Variants in WASHC5 observed in about 807,000 individuals in gnomAD.
WASHC5 encodes WASH complex subunit strumpellin.
In WASHC5, 101 loss-of-function variants were observed where a neutral mutation model predicts 150.4. The ratio of observed to expected loss-of-function variants is 0.67; its 90% CI spans 0.57 to 0.79. The LOEUF (loss-of-function observed/expected upper bound fraction) is 0.79, where lower values mean the gene tolerates loss of function less well. WASHC5 is among the 30% of genes least tolerant of loss of function. The pLI is 0.00. For synonymous variants in WASHC5, 467 were observed against 491.2 expected, an observed-to-expected ratio of 0.95 and a Z score of 0.65; for missense variants, 1,195 against 1,396.3, an observed-to-expected ratio of 0.86 and a Z score of 2.30.
chr8:125,067,078 G>A (rs367627618), intron 10 of WASHC5, among the ~76,000 whole-genome samples: 1 of 152,250 alleles, frequency 6.6e-6, no homozygotes, highest in African/African-American at 2.4e-5. Context: ...GCAGTGGTGC[G>A]ATCTTGGCCC....
rs1175799969 is a variant in WASHC5 at position 125,075,067 on chromosome 8, A to G, written c.909T>C (p.Ala303=). The change falls in exon 8 of 29, where the codon GCT becomes GCC. Residue 303 remains alanine (A), a synonymous_variant. Transcript: ENST00000318410. ...YMGITVNLVD[A]WEPYKAAKTA... is the part of the protein sequence containing the mutation. ...TTTTTGCAGCTTTGTAAGGTTCCCA[A>G]GCATCTACTAGATTAACTGTGATCC... 6.2e-7 allele frequency: 1 copy of G among 1,612,358 alleles called. No homozygotes were observed. Among genetic ancestry groups the G allele is most frequent in the Admixed American group, 1.7e-5 (1 of 60,016 alleles).
rs151157359 is a variant in WASHC5 at position 125,070,249 on chromosome 8, T to G, written c.1151-2530A>C. 1.3e-3 allele frequency among the ~76,000 whole-genome samples: 195 copies of G among 152,366 alleles called. 2 individuals are homozygous for G. The highest frequency in any genetic ancestry group is 6.0e-3 in the Admixed American group (92 of 15,306). ...ACTAGGCCTGCTTTTCTGAACACCA[T>G]GACTGAAATTCCACAAAAGTTAACT... On this transcript the variant is annotated intron_variant, in intron 9 of 28. Coordinates refer to ENST00000318410, the MANE Select transcript of WASHC5 (RefSeq NM_014846.4).
rs754807339 is a variant in WASHC5 at position 125,044,693 on chromosome 8, G to A, written c.2510C>T (p.Thr837Ile). The change falls in exon 21 of 29, where the codon ACA (threonine) becomes ATA (isoleucine). Residue 837 changes from threonine (T) to isoleucine (I), a missense_variant. Coordinates refer to ENST00000318410, the MANE Select transcript of WASHC5 (RefSeq NM_014846.4). ...EILRITDPKMTCHIDQLNTWY... is the reference protein window; with the variant it reads ...EILRITDPKMICHIDQLNTWY... ...AGTGTTCAGCTGGTCTATGTGACAT[G>A]TCATTCTAAAATGAAAACAATGCAA... 1 of 1,613,946 alleles carries A rather than the reference G, an allele frequency of 6.2e-7. No homozygotes were observed. The highest frequency in any genetic ancestry group is 8.5e-7 in the Non-Finnish European group (1 of 1,179,866).
chr8:125,059,528 G>A lies in WASHC5; in HGVS notation c.1536C>T (p.His512=), dbSNP rs755715334. ...IQALEEVQEF[H]QLESNLQVCQ... ...ATACTTGCAGATTGGATTCCAACTG[G>A]TGGAATTCTTGAACCTGTGTTACAG... The change falls in exon 13 of 29, where the codon CAC becomes CAT. Residue 512 remains histidine, a synonymous_variant. Coordinates refer to ENST00000318410, the MANE Select transcript of WASHC5 (RefSeq NM_014846.4). 2 of 1,612,880 alleles carry A rather than the reference G, an allele frequency of 1.2e-6. No homozygotes were observed. The highest frequency in any genetic ancestry group is 1.1e-5 in the South Asian group (1 of 91,052).
intron 3 of WASHC5, 139 bp downstream of exon 3, chr8:125,082,974 T>C: frequency 1.7e-6 from 1 of 597,464 alleles, no homozygotes; most frequent in South Asian, 2.2e-5. Flanking sequence ...GTGCCACAGG[T>C]AGGAAAAGAC....
At position 125,028,606 on chromosome 8, in the gene WASHC5, T is replaced by C; in HGVS notation, c.3423+14A>G. On this transcript the variant is annotated intron_variant, in intron 28 of 28. Coordinates refer to ENST00000318410, the MANE Select transcript of WASHC5 (RefSeq NM_014846.4). ...TACAACTATTAATATTGTTCTTTAC[T>C]ATCTATCACTTACCCTCCTGGGTAG... The C allele has an allele frequency of 6.4e-7, 1 of 1,560,160 alleles. No individual in the cohort carries two copies. The highest frequency in any genetic ancestry group is 2.2e-5 in the East Asian group (1 of 44,632).
At chr8:125,036,558 A>G (rs1229828334) in intron 26 of WASHC5, among the ~76,000 whole-genome samples, 2 of 146,828 alleles carry the variant, frequency 1.4e-5, no homozygotes, top group African/African-American at 5.5e-5. Flanking sequence ...CTATAGTCCC[A>G]GCTACTCAGG....
chr8:125,079,449 C>T (rs10111425), intron 5 of WASHC5, among the ~76,000 whole-genome samples: 28,442 of 151,746 alleles, frequency 0.19, 3,136 homozygotes, highest in Middle Eastern at 0.34. Context: ...CCTTGTCCTC[C>T]CAAAGTGCTG....
intron 15 of WASHC5, 114 bp downstream of exon 15, chr8:125,057,442 A>G (rs1816442438): frequency 2.0e-5 from 15 of 765,934 alleles, no homozygotes; most frequent in Non-Finnish European, 3.4e-5. Flanking sequence ...CTGGAATCAA[A>G]TTTTTAAAAG....
rs761914653 is a variant in WASHC5, at chr8:125,073,299, T to G, written c.1004A>C (p.Glu335Ala). The G allele has an allele frequency of 1.1e-5, 18 of 1,613,894 alleles. No individual in the cohort carries two copies. Among genetic ancestry groups the G allele is most frequent in the Non-Finnish European group, 1.5e-5 (18 of 1,179,888 alleles). The part of the protein sequence containing the change: ...EQASRYATVS[E>A]RVHAQVQQFL... ...TTGCTGCACTTGAGCATGCACTCTT[T>G]CACTGACAGTAGCATATCTGCTTGC... Residue 335 changes from glutamate (E) to alanine (A), a missense_variant, in exon 9 of 29, where the codon GAA becomes GCA. By Grantham distance (107) the Glu-to-Ala change is moderately radical. This residue lies in a region of WASHC5 where 997 missense variants were observed against 1,168.1 expected (regional missense o/e 0.85). Coordinates refer to ENST00000318410, the MANE Select transcript of WASHC5 (RefSeq NM_014846.4).
At chr8:125,044,484 T>C (rs1216750578) in intron 21 of WASHC5, 52 bp downstream of exon 21, 1 of 1,599,744 alleles carries the variant, frequency 6.3e-7, no homozygotes, top group African/African-American at 1.3e-5. Flanking sequence ...AAATATGTTC[T>C]TGCCTCTCCC....
chr8:125,061,100 C>A lies in WASHC5; in HGVS notation c.1503G>T (p.Leu501=), dbSNP rs189993679. Reference sequence around the variant, plus strand: ...TCCTTACCTCTTCCAAAGCTTGTATCAGTTGTACAGTTTTTCTGCCCGCAG... The same window carrying A: ...TCCTTACCTCTTCCAAAGCTTGTATAAGTTGTACAGTTTTTCTGCCCGCAG... ...STAAGRKTVQ[L]IQALEEVQEF... is the part of the protein sequence containing the mutation. The change falls in exon 12 of 29, where the codon CTG becomes CTT. Residue 501 remains leucine (L), a synonymous_variant. Transcript: ENST00000318410. 9.3e-6 allele frequency: 15 copies of A among 1,604,984 alleles called. No homozygotes were observed. Among genetic ancestry groups the A allele is most frequent in the Non-Finnish European group, 1.3e-5 (15 of 1,171,844 alleles).
intron 9 of WASHC5, among the ~76,000 whole-genome samples, chr8:125,071,039 A>G (rs1816883062): frequency 6.6e-6 from 1 of 152,246 alleles, no homozygotes; most frequent in Non-Finnish European, 1.5e-5. Flanking sequence ...TTGTGTGCAC[A>G]GTTTTTTAAA....
chr8:125,041,572 T>C lies in WASHC5; in HGVS notation c.2851-1674A>G, dbSNP rs562100934. ...ATGAGAAACACTTGAACCCAGGAGG[T>C]AGAGGTTGCAGTGAGCCAAGATTGT... On this transcript the variant is annotated intron_variant, in intron 23 of 28. Coordinates refer to ENST00000318410, the MANE Select transcript of WASHC5 (RefSeq NM_014846.4). Among the ~76,000 whole-genome samples, 48 of 151,706 alleles carry C rather than the reference T, an allele frequency of 3.2e-4. No homozygotes were observed. The East Asian group carries it at 8.0e-3, about 25-fold the overall frequency.
intron 9 of WASHC5, among the ~76,000 whole-genome samples, chr8:125,071,266 CTG>C (rs927108895): frequency 6.6e-6 from 1 of 152,182 alleles, no homozygotes; most frequent in African/African-American, 2.4e-5. Flanking sequence ...GAATAAGAAA[CTG>C]TGCCAGCCCT....
rs1586364504 is a variant in WASHC5, at chr8:125,061,074, T to C, written c.1521+8A>G. On this transcript the variant is annotated splice_region_variant and intron_variant, in intron 12 of 28. Transcript: ENST00000318410. ...CCAAGAACCTGCATTTAAAAAGCGTTTCCTTACCTCTTCCAAAGCTTGTAT... is the reference window on the plus strand; with the variant it reads ...CCAAGAACCTGCATTTAAAAAGCGTCTCCTTACCTCTTCCAAAGCTTGTAT... 1.3e-6 allele frequency: 2 copies of C among 1,542,576 alleles called. No individual in the cohort carries two copies. The highest frequency in any genetic ancestry group is 4.5e-5 in the East Asian group (2 of 44,486).
chr8:125,040,209 T>C (rs1020914732), intron 23 of WASHC5, among the ~76,000 whole-genome samples: 15 of 152,198 alleles, frequency 9.9e-5, no homozygotes, highest in Non-Finnish European at 1.9e-4. Context: ...TTTGAAGCTA[T>C]ATTTTTAACC....
intron 24 of WASHC5, 106 bp from the exon 25 acceptor site, chr8:125,039,065 C>G: frequency 8.0e-7 from 1 of 1,247,004 alleles, no homozygotes; most frequent in Non-Finnish European, 1.2e-6. Flanking sequence ...GTTTCCTCAT[C>G]TGTAAAATGA....
At chr8:125,050,812 G>A in intron 17 of WASHC5, 147 bp from the exon 18 acceptor site, 1 of 681,152 alleles carries the variant, frequency 1.5e-6, no homozygotes, top group African/African-American at 1.8e-5. Context: ...TCCTGTCCCT[G>A]TGATCTTGCA....
Sources: allele counts gnomAD v4.1 joint callset (sites outside exome capture counted in the v4.1 genomes callset), GRCh38; gene constraint gnomAD v4.1.1; regional missense constraint gnomAD v4.1.1; transcripts MANE v1.5; gene names NCBI Gene and HGNC (gene_info 2026-07-23, HGNC 2026-07-21).